Variants in MROH9 observed in about 807,000 individuals in gnomAD.
MROH9 encodes maestro heat-like repeat-containing protein family member 9.
A neutral mutation model predicts 98.2 loss-of-function variants in MROH9; 92 were observed. The observed-to-expected ratio is 0.94, with a 90% CI of 0.79 to 1.11. The LOEUF (loss-of-function observed/expected upper bound fraction) is 1.11. MROH9 is among the 50% of genes most tolerant of loss of function. MROH9 has a pLI of 0.00. For synonymous variants in MROH9, 397 were observed against 368.9 expected (o/e 1.08, Z -0.87); for missense variants, 1,057 against 1,014.8 (o/e 1.04, Z -0.57).
chr1:171,008,273 A>G (rs1191229855), intron 15 of MROH9, among the ~76,000 whole-genome samples: 1 of 152,152 alleles, frequency 6.6e-6, no homozygotes, highest in Non-Finnish European at 1.5e-5. Flanking sequence ...AATAATATAT[A>G]ATGGTCACAG....
intron 20 of MROH9, among the ~76,000 whole-genome samples, chr1:171,031,230 C>G (rs992074928): frequency 6.6e-6 from 1 of 152,086 alleles, no homozygotes; most frequent in East Asian, 1.9e-4. Context: ...GATCTTGACT[C>G]TATCCAATTT....
chr1:170,999,885 T>G (rs1401653288), intron 15 of MROH9, among the ~76,000 whole-genome samples: 3 of 152,100 alleles, frequency 2.0e-5, no homozygotes, highest in Non-Finnish European at 4.4e-5. Context: ...CTTGCAGGAG[T>G]AAGGTGGTAT....
chr1:171,018,604 C>A (rs904950019), intron 17 of MROH9, among the ~76,000 whole-genome samples: 3 of 152,134 alleles, frequency 2.0e-5, no homozygotes, highest in Non-Finnish European at 4.4e-5. Flanking sequence ...ATAACAAACT[C>A]CTCTGAGCTA....
chr1:170,966,809 G>A (rs1473828872), intron 7 of MROH9, among the ~76,000 whole-genome samples: 1 of 152,032 alleles, frequency 6.6e-6, no homozygotes, highest in South Asian at 2.1e-4. Flanking sequence ...TATACATTTG[G>A]TGTCCAGAAG....
At chr1:170,949,341 A>ATACAC (rs1649460250) in intron 3 of MROH9, among the ~76,000 whole-genome samples, 1 of 152,054 alleles carries the variant, frequency 6.6e-6, no homozygotes, top group Non-Finnish European at 1.5e-5. Flanking sequence ...TCCATCTAAG[A>ATACAC]CAAAAGGTGT....
chr1:170,994,316 G>C (rs1651473581), intron 12 of MROH9, among the ~76,000 whole-genome samples: 1 of 152,124 alleles, frequency 6.6e-6, no homozygotes, highest in Non-Finnish European at 1.5e-5. Context: ...GCCCATAACT[G>C]TTACCCACGT....
intron 20 of MROH9, among the ~76,000 whole-genome samples, chr1:171,061,214 A>G (rs889355701): frequency 2.0e-5 from 3 of 152,186 alleles, no homozygotes; most frequent in Non-Finnish European, 2.9e-5. Context: ...AAACATTTTA[A>G]CAGTATCAAT....
intron 11 of MROH9, among the ~76,000 whole-genome samples, chr1:170,990,755 T>C (rs1036547628): frequency 6.6e-6 from 1 of 152,192 alleles, no homozygotes; most frequent in Admixed American, 6.5e-5. Flanking sequence ...TGTGACATTA[T>C]GCAAGTTTGA....
chr1:171,026,944 C>T (rs750583326), intron 20 of MROH9, among the ~76,000 whole-genome samples: 5 of 151,982 alleles, frequency 3.3e-5, no homozygotes, highest in Non-Finnish European at 5.9e-5. Flanking sequence ...TAAGAAAAAA[C>T]GTATATCACC....
intron 20 of MROH9, among the ~76,000 whole-genome samples, chr1:171,040,680 T>C (rs1553222069): frequency 6.6e-6 from 1 of 152,252 alleles, no homozygotes; most frequent in Non-Finnish European, 1.5e-5. Flanking sequence ...TTACTATCTG[T>C]AAAATGAGGA....
rs144413816 is a variant in MROH9, at chr1:171,025,617, GTTGA to G, written c.2281+200_2281+203del. On this transcript the variant is annotated intron_variant, in intron 20 of 21. Coordinates refer to ENST00000367759, the MANE Select transcript of MROH9 (RefSeq NM_001163629.2). ...AATACACAGAGAATATAGCTGTATGGTTGATTATTATGCAAAATGTGTTCAGCAA... is the reference window on the plus strand; with the variant it reads ...AATACACAGAGAATATAGCTGTATGGTTATTATGCAAAATGTGTTCAGCAA... 7.4e-3 allele frequency among the ~76,000 whole-genome samples: 1,125 copies of G among 152,268 alleles called. 14 individuals are homozygous for G. The highest frequency in any genetic ancestry group is 0.025 in the African/African-American group (1,032 of 41,548).
At chr1:170,936,884 G>A (rs1648906264) in intron 1 of MROH9, among the ~76,000 whole-genome samples, 1 of 151,164 alleles carries the variant, frequency 6.6e-6, no homozygotes, top group African/African-American at 2.4e-5. Flanking sequence ...CTGTGTAGGG[G>A]GAAGCATATT....
intron 7 of MROH9, among the ~76,000 whole-genome samples, chr1:170,968,036 T>G (rs1441868945): frequency 4.6e-5 from 7 of 152,176 alleles, no homozygotes; most frequent in African/African-American, 1.7e-4. Context: ...GGGCTAGTGA[T>G]GCCAACAAAT....
intron 2 of MROH9, among the ~76,000 whole-genome samples, chr1:170,947,015 G>A (rs1003635906): frequency 6.6e-6 from 1 of 151,798 alleles, no homozygotes; most frequent in African/African-American, 2.4e-5. Flanking sequence ...AAATGATGGT[G>A]GTAGTAATGA....
chr1:171,064,294 A>G lies in MROH9; in HGVS notation c.2540A>G (p.Asp847Gly), dbSNP rs1433543722. 4.5e-6 allele frequency: 7 copies of G among 1,550,060 alleles called. No homozygotes were observed. Among genetic ancestry groups the G allele is most frequent in the Non-Finnish European group, 6.1e-6 (7 of 1,146,396 alleles). Residue 847 changes from aspartate to glycine, a missense_variant, in exon 22 of 22, where the codon GAC (aspartate) becomes GGC (glycine). Asp to Gly is a moderately conservative substitution (Grantham distance 94, BLOSUM62 -1). Coordinates refer to ENST00000367759, the MANE Select transcript of MROH9 (RefSeq NM_001163629.2). Reference protein sequence around the residue: ...YNYNSPNGQIDSPTDSKDVKN... With the variant: ...YNYNSPNGQIGSPTDSKDVKN... ...TATAACTCACCCAATGGCCAGATAG[A>G]CAGTCCTACAGACAGTAAAGATGTC... is the stretch of plus-strand genomic sequence containing the variant.
intron 15 of MROH9, among the ~76,000 whole-genome samples, chr1:171,007,545 G>A (rs1212050382): frequency 6.6e-6 from 1 of 152,186 alleles, no homozygotes; most frequent in Non-Finnish European, 1.5e-5. Flanking sequence ...TCCTAAGCTG[G>A]TCACTAGACA....
At chr1:171,027,754 G>A (rs1337004665) in intron 20 of MROH9, among the ~76,000 whole-genome samples, 1 of 152,146 alleles carries the variant, frequency 6.6e-6, no homozygotes, top group East Asian at 1.9e-4. Flanking sequence ...ATTCTGACTG[G>A]TGTGAGATGG....
intron 1 of MROH9, among the ~76,000 whole-genome samples, chr1:170,942,247 A>G (rs1649146464): frequency 6.6e-6 from 1 of 151,946 alleles, no homozygotes. Context: ...ATTTGAGTCT[A>G]GTTACGGGTC....
chr1:171,021,954 C>A (rs1460818239), intron 17 of MROH9, among the ~76,000 whole-genome samples: 2 of 151,270 alleles, frequency 1.3e-5, no homozygotes, highest in Admixed American at 6.6e-5. Flanking sequence ...TGAACAGACA[C>A]TTCTCAAAAG....
Sources: gnomAD v4.1 joint callset for allele counts (sites outside exome capture counted in the v4.1 genomes callset) on GRCh38, gnomAD v4.1.1 for gene constraint, MANE v1.5 for transcripts, NCBI Gene and HGNC (gene_info 2026-07-23, HGNC 2026-07-21) for gene names.